Variants in CALN1 observed in about 807,000 individuals in gnomAD.
CALN1 encodes the protein calneuron 1.
In CALN1, 17 loss-of-function variants were observed where a neutral mutation model predicts 30.6. The observed-to-expected ratio is 0.56, with a 90% confidence interval of 0.38 to 0.83. The LOEUF is 0.83. Among genes scored for constraint, CALN1 ranks in the 40% least tolerant of loss-of-function variants. The pLI is 0.00. For missense variants in CALN1, 291 were observed against 354.9 expected, an observed-to-expected ratio of 0.82 and a Z score of 1.45; for synonymous variants, 156 against 131.4, an observed-to-expected ratio of 1.19 and a Z score of -1.28.
intron 5 of CALN1, among the ~76,000 whole-genome samples, chr7:71,898,705 A>G (rs181829455): frequency 6.6e-6 from 1 of 152,320 alleles, no homozygotes; most frequent in Non-Finnish European, 1.5e-5. Flanking sequence ...GCAAAGACAT[A>G]GCAAAAACCT....
At chr7:72,420,621 C>CTT (rs1162542514) in intron 1 of CALN1, among the ~76,000 whole-genome samples, 102 of 131,290 alleles carry the variant, frequency 7.8e-4, no homozygotes, top group East Asian at 2.5e-3. Context: ...CTGGATGCAT[C>CTT]TTTTTTTTTT....
At chr7:72,038,039 T>C (rs1037358447) in intron 4 of CALN1, among the ~76,000 whole-genome samples, 15 of 152,204 alleles carry the variant, frequency 9.9e-5, no homozygotes, top group Admixed American at 5.2e-4. Context: ...GGGCTTGCAA[T>C]AGGGGGCCAG....
intron 2 of CALN1, among the ~76,000 whole-genome samples, chr7:72,292,561 C>G (rs1422834068): frequency 1.3e-5 from 2 of 151,494 alleles, no homozygotes; most frequent in African/African-American, 4.9e-5. Context: ...TGGCTTATGC[C>G]TGTAATCCCA....
At chr7:72,453,035 C>G in the CALN1 span, among the ~76,000 whole-genome samples, 2 of 152,226 alleles carry the variant, frequency 1.3e-5, no homozygotes, top group Admixed American at 1.3e-4. Context: ...AGCTTTGGTT[C>G]TGCTGATGCC....
intron 5 of CALN1, among the ~76,000 whole-genome samples, chr7:71,999,129 A>G (rs1237377530): frequency 6.6e-6 from 1 of 152,226 alleles, no homozygotes; most frequent in Non-Finnish European, 1.5e-5. Context: ...GGCAGAATGG[A>G]AAATTATATA....
chr7:71,966,164 TTCAACTCTACAG>T (rs1797520459), intron 5 of CALN1, among the ~76,000 whole-genome samples: 1 of 152,196 alleles, frequency 6.6e-6, no homozygotes, highest in African/African-American at 2.4e-5. Flanking sequence ...ATCCCAACAA[TTCAACTCTACAG>T]TCAACTCTGT....
At chr7:71,958,062 T>C (rs2129524851) in intron 5 of CALN1, among the ~76,000 whole-genome samples, 1 of 35,182 alleles carries the variant, frequency 2.8e-5, no homozygotes, top group South Asian at 9.6e-4. Context: ...TGAAACTCCA[T>C]CTCAAAAAAA....
intron 5 of CALN1, among the ~76,000 whole-genome samples, chr7:71,978,700 G>T (rs1309199696): frequency 2.0e-5 from 3 of 152,160 alleles, no homozygotes; most frequent in African/African-American, 4.8e-5. Context: ...TGTGCATATA[G>T]AGAGAGACCA....
chr7:71,791,983 T>A (rs574911115), intron 6 of CALN1, among the ~76,000 whole-genome samples: 19 of 151,534 alleles, frequency 1.3e-4, no homozygotes, highest in African/African-American at 4.6e-4. Flanking sequence ...TGCACTCCAG[T>A]CTGGGAGGCA....
intron 4 of CALN1, among the ~76,000 whole-genome samples, chr7:72,062,818 T>C (rs564267086): frequency 1.3e-5 from 2 of 152,262 alleles, no homozygotes; most frequent in South Asian, 4.1e-4. Context: ...AGAAATTGCA[T>C]TCACAGTTTA....
intron 4 of CALN1, among the ~76,000 whole-genome samples, chr7:72,102,959 G>A (rs894737183): frequency 2.0e-5 from 3 of 151,610 alleles, no homozygotes; most frequent in African/African-American, 4.9e-5. Flanking sequence ...TGTAGGCCCA[G>A]CTACTTGGGA....
rs539787357 is a variant in CALN1, at chr7:72,409,826, T to C, written c.-74+2232A>G. Among the ~76,000 whole-genome samples the C allele has an allele frequency of 7.8e-4, 119 of 152,220 alleles. 2 individuals carry two copies. Among genetic ancestry groups the C allele is most frequent in the South Asian group, 1.9e-3 (9 of 4,816 alleles). ...TCACCAAGGAACGTTCCCTCCCTTT[T>C]AACCACGTTGGGCATCAAGTTACAG... On this transcript the variant is annotated intron_variant, in intron 1 of 6. Transcript: ENST00000395275.
chr7:72,098,801 C>G (rs1416805077), intron 4 of CALN1, among the ~76,000 whole-genome samples: 2 of 151,114 alleles, frequency 1.3e-5, no homozygotes, highest in African/African-American at 4.9e-5. Flanking sequence ...CACACACACA[C>G]AGCCAGTCCC....
At chr7:72,056,943 T>G (rs550291892) in intron 4 of CALN1, among the ~76,000 whole-genome samples, 185 of 152,196 alleles carry the variant, frequency 1.2e-3, no homozygotes, top group African/African-American at 4.3e-3. Flanking sequence ...TTGTTGTTGT[T>G]GTTTTGTTTG....
chr7:72,037,713 C>G (rs117648861), intron 4 of CALN1, among the ~76,000 whole-genome samples: 1,974 of 152,022 alleles, frequency 0.013, 46 homozygotes, highest in Non-Finnish European at 0.014. Context: ...TCCTGAAACA[C>G]TAGTACAGGG....
intron 5 of CALN1, among the ~76,000 whole-genome samples, chr7:72,017,575 G>A (rs972025477): frequency 5.3e-5 from 8 of 152,100 alleles, no homozygotes; most frequent in Non-Finnish European, 7.3e-5. Context: ...GTGTGTGCTC[G>A]GGAGTATTGC....
intron 2 of CALN1, among the ~76,000 whole-genome samples, chr7:72,308,693 T>C (rs888926855): frequency 9.9e-5 from 15 of 152,200 alleles, no homozygotes; most frequent in Admixed American, 1.3e-4. Flanking sequence ...GTGTTCATTT[T>C]TTTTGGTCTC....
chr7:72,397,633 C>T (rs1277109183), intron 2 of CALN1, among the ~76,000 whole-genome samples: 1 of 151,872 alleles, frequency 6.6e-6, no homozygotes, highest in Non-Finnish European at 1.5e-5. Context: ...GGAACAAGCA[C>T]ATGAAGGTCT....
At chr7:72,060,369 G>C (rs1041503167) in intron 4 of CALN1, among the ~76,000 whole-genome samples, 1 of 152,098 alleles carries the variant, frequency 6.6e-6, no homozygotes, top group African/African-American at 2.4e-5. Flanking sequence ...CATAAGAGTA[G>C]GACAAATAAA....
Sources: gnomAD v4.1 joint callset for allele counts (sites outside exome capture counted in the v4.1 genomes callset) on GRCh38, gnomAD v4.1.1 for gene constraint, MANE v1.5 for transcripts, NCBI Gene and HGNC (gene_info 2026-07-23, HGNC 2026-07-21) for gene names.